Variants in CDH3 observed in about 807,000 individuals in gnomAD.
CDH3 encodes cadherin-3.
A neutral mutation model predicts 82.0 loss-of-function variants in CDH3; 54 were observed. The ratio of observed to expected loss-of-function variants is 0.66; its 90% CI spans 0.53 to 0.83. CDH3 has a LOEUF of 0.83. Ranked by LOEUF, CDH3 falls within the 40% of genes least tolerant of loss-of-function variation. CDH3 has a pLI of 0.00. For synonymous variants in CDH3, 446 were observed against 437.9 expected (o/e 1.02, Z -0.23); for missense variants, 1,054 against 1,084.6 (o/e 0.97, Z 0.40).
intron 1 of CDH3, among the ~76,000 whole-genome samples, chr16:68,721,761 G>A (rs1267890706): frequency 1.3e-5 from 2 of 152,104 alleles, no homozygotes; most frequent in Non-Finnish European, 2.9e-5. Context: ...CTGAAACTCC[G>A]TCTCAAAACA....
Position 68,681,014 on chromosome 16 carries a change from G to A in CDH3, c.914G>A (p.Gly305Glu), listed in dbSNP as rs771976434. Residue 305 changes from glycine (G) to glutamate (E), a missense_variant, in exon 8 of 16, where the codon GGG (glycine) becomes GAG (glutamate). Coordinates refer to ENST00000264012, the MANE Select transcript of CDH3 (RefSeq NM_001793.6). ...ACCATCCAGGCCACAGACATGGATG[G>A]GGACGGCTCCACCACCACGGCAGTG... ...TLTIQATDMD[G>E]DGSTTTAVAV... 5 of 1,614,074 alleles carry A rather than the reference G, an allele frequency of 3.1e-6. No homozygotes were observed. The highest frequency in any genetic ancestry group is 4.2e-6 in the Non-Finnish European group (5 of 1,179,994).
intron 2 of CDH3, among the ~76,000 whole-genome samples, chr16:68,653,866 T>G (rs1960323321): frequency 6.6e-6 from 1 of 151,640 alleles, no homozygotes; most frequent in Admixed American, 6.6e-5. Flanking sequence ...ATTTTTTGTA[T>G]TTTTAATAGA....
chr16:68,664,117 A>C (rs2152094454), intron 2 of CDH3, among the ~76,000 whole-genome samples: 1 of 152,274 alleles, frequency 6.6e-6, no homozygotes, highest in Non-Finnish European at 1.5e-5. Flanking sequence ...CTCTGGCTCC[A>C]GACTCTGGGC....
intron 2 of CDH3, chr16:68,722,667 A>C (rs565065158): frequency 6.6e-6 from 1 of 152,306 alleles, no homozygotes; most frequent in South Asian, 2.1e-4. Context: ...TGGTTTTAGC[A>C]CTGAAAGTCT....
chr16:68,649,148 T>C (rs2152088939), intron 2 of CDH3, among the ~76,000 whole-genome samples: 2 of 152,252 alleles, frequency 1.3e-5, no homozygotes, highest in Admixed American at 1.3e-4. Flanking sequence ...AGTGGTCTAC[T>C]CATCCTTAAG....
intron 2 of CDH3, among the ~76,000 whole-genome samples, chr16:68,647,313 C>T (rs961482708): frequency 4.8e-5 from 7 of 145,174 alleles, no homozygotes; most frequent in African/African-American, 1.8e-4. Flanking sequence ...TAGGCTATAG[C>T]CTTGAGTGTT....
intron 1 of CDH3, among the ~76,000 whole-genome samples, chr16:68,720,325 A>T (rs1362018321): frequency 6.6e-6 from 1 of 151,872 alleles, no homozygotes; most frequent in Non-Finnish European, 1.5e-5. Context: ...GTAGCAAGGG[A>T]ATTCCCCATG....
chr16:68,684,856 G>A (rs745401573), intron 10 of CDH3, 32 bp downstream of exon 10: 12 of 1,613,346 alleles, frequency 7.4e-6, no homozygotes, highest in East Asian at 2.2e-5. Flanking sequence ...TAAGCAGCAC[G>A]TACTGGTACA....
chr16:68,682,429 A>G lies in CDH3; in HGVS notation c.1124A>G (p.Asp375Gly). The change falls in exon 9 of 16, where the codon GAC becomes GGC. Residue 375 changes from aspartate (D) to glycine (G), a missense_variant. Physicochemically the swap from Asp to Gly is moderately conservative, Grantham distance 94 (BLOSUM62 -1). Transcript: ENST00000264012. ...CTTATCATGGGCGGTGACGACGGGG[A>G]CCATTTTACCATCACCACCCACCCT... ...TYLIMGGDDG[D>G]HFTITTHPES... 1 of 1,614,036 alleles carries G rather than the reference A, an allele frequency of 6.2e-7. No individual in the cohort carries two copies. The highest frequency in any genetic ancestry group is 8.5e-7 in the Non-Finnish European group (1 of 1,180,016).
Position 68,645,413 on chromosome 16 carries a change from C to T in CDH3, c.34C>T (p.Leu12Phe), listed in dbSNP as rs373974671. ...GLPRGPLASLLLLQVCWLQCA... is the reference protein window; with the variant it reads ...GLPRGPLASLFLLQVCWLQCA... ...CCCTCGTGGACCTCTCGCGTCTCTC[C>T]TCCTTCTCCAGGTACTCCACAGCCT... The change falls in exon 1 of 16, where the codon CTC becomes TTC. Residue 12 changes from leucine to phenylalanine, a missense_variant. Physicochemically the swap from Leu to Phe is conservative, Grantham distance 22 (BLOSUM62 0). Coordinates refer to ENST00000264012, the MANE Select transcript of CDH3 (RefSeq NM_001793.6). The T allele has an allele frequency of 1.2e-4, 195 of 1,613,326 alleles. No individual in the cohort carries two copies. The highest frequency in any genetic ancestry group is 1.6e-4 in the Non-Finnish European group (188 of 1,179,764).
chr16:68,732,916 T>C, the CDH3 span, among the ~76,000 whole-genome samples: 2 of 135,360 alleles, frequency 1.5e-5, no homozygotes, highest in African/African-American at 5.7e-5. Context: ...TTTTCTCCAG[T>C]AGATGCAAGA....
chr16:68,683,343 T>A (rs1478858499), intron 9 of CDH3, among the ~76,000 whole-genome samples: 3 of 151,912 alleles, frequency 2.0e-5, no homozygotes, highest in Non-Finnish European at 4.4e-5. Context: ...ATAGAGAATG[T>A]CCTAACTAAA....
intron 2 of CDH3, among the ~76,000 whole-genome samples, chr16:68,670,708 A>G (rs997158397): frequency 6.6e-6 from 1 of 152,218 alleles, no homozygotes; most frequent in Non-Finnish European, 1.5e-5. Flanking sequence ...TTCAAGTTCT[A>G]CATCAGCAGT....
At chr16:68,646,015 C>A (rs1960048656) in intron 2 of CDH3, 6 of 512,662 alleles carry the variant, frequency 1.2e-5, no homozygotes, top group African/African-American at 2.0e-5. Context: ...GATGGCTGAG[C>A]CCCTCACCCA....
intron 8 of CDH3, among the ~76,000 whole-genome samples, chr16:68,681,326 G>A (rs184281760): frequency 6.6e-6 from 1 of 152,298 alleles, no homozygotes; most frequent in East Asian, 1.9e-4. Flanking sequence ...AATAATCTAT[G>A]TACGTTTCCT....
intron 2 of CDH3, among the ~76,000 whole-genome samples, chr16:68,649,599 G>A (rs1386217518): frequency 6.6e-6 from 1 of 152,170 alleles, no homozygotes; most frequent in Non-Finnish European, 1.5e-5. Flanking sequence ...CACAGTCGGT[G>A]TTTCACATTA....
downstream of CDH3, among the ~76,000 whole-genome samples, chr16:68,702,672 C>G (rs188640373): frequency 7.5e-4 from 114 of 152,160 alleles, 1 homozygote; most frequent in African/African-American, 2.5e-3. Context: ...TGAGACCAGC[C>G]TGGCCAACAT....
intron 2 of CDH3, among the ~76,000 whole-genome samples, chr16:68,673,313 GT>G (rs1233981926): frequency 5.3e-5 from 8 of 152,226 alleles, no homozygotes; most frequent in Admixed American, 2.0e-4. Context: ...CCATTTTTAA[GT>G]AAATAATTCA....
chr16:68,732,248 C>A (rs1360719399), downstream of CDH3, among the ~76,000 whole-genome samples: 2 of 152,084 alleles, frequency 1.3e-5, no homozygotes, highest in Non-Finnish European at 2.9e-5. Context: ...GGCTGTAATC[C>A]CTAGCAATTC....
Sources: gnomAD v4.1 joint callset for allele counts (sites outside exome capture counted in the v4.1 genomes callset) on GRCh38, gnomAD v4.1.1 for gene constraint, MANE v1.5 for transcripts, NCBI Gene and HGNC (gene_info 2026-07-23, HGNC 2026-07-21) for gene names.